The following BBS9 variants were observed in gnomAD, a reference collection of about 807,000 sequenced individuals.
The protein encoded by BBS9 is protein PTHB1.
In BBS9, 89 loss-of-function variants were observed where a neutral mutation model predicts 117.7. The observed-to-expected ratio is 0.76, with a 90% confidence interval of 0.64 to 0.90. The LOEUF is 0.90. Among genes scored for constraint, BBS9 ranks in the 40% least tolerant of loss-of-function variants. The pLI, the probability that BBS9 is intolerant of heterozygous loss-of-function variation, is 0.00. For missense variants in BBS9, 982 were observed against 1,042.2 expected (o/e 0.94, Z 0.80); for synonymous variants, 379 against 370.9 (o/e 1.02, Z -0.25).
chr7:33,599,628 A>G (rs1451742660), intron 21 of BBS9, among the ~76,000 whole-genome samples: 1 of 152,160 alleles, frequency 6.6e-6, no homozygotes, highest in African/African-American at 2.4e-5. Flanking sequence ...ACATCCATTG[A>G]TGTAGTCTCC....
chr7:33,225,433 A>G (rs1000508446), intron 5 of BBS9, among the ~76,000 whole-genome samples: 1 of 152,102 alleles, frequency 6.6e-6, no homozygotes, highest in African/African-American at 2.4e-5. Context: ...TCCTGGCCTC[A>G]AGCAGTCCTT....
At chr7:33,304,164 G>C (rs1488739066) in intron 9 of BBS9, among the ~76,000 whole-genome samples, 1 of 122,136 alleles carries the variant, frequency 8.2e-6, no homozygotes, top group Non-Finnish European at 1.7e-5. Flanking sequence ...CCGCCACCCC[G>C]TCTAGGAAGT....
intron 6 of BBS9, among the ~76,000 whole-genome samples, chr7:33,263,509 T>A (rs1798306495): frequency 6.6e-6 from 1 of 152,160 alleles, no homozygotes; most frequent in African/African-American, 2.4e-5. Flanking sequence ...ATTAATCATT[T>A]CTAGATTGAA....
intron 20 of BBS9, among the ~76,000 whole-genome samples, chr7:33,516,212 C>T (rs919554609): frequency 7.9e-5 from 12 of 152,070 alleles, no homozygotes; most frequent in African/African-American, 1.4e-4. Flanking sequence ...GAACATAGGC[C>T]GGGCGCGGTG....
rs528548105 is a variant in BBS9 at position 33,181,865 on chromosome 7, C to T, written c.442+4274C>T. Among the ~76,000 whole-genome samples the T allele has an allele frequency of 4.1e-3, 618 of 152,250 alleles. 5 individuals carry two copies. The highest frequency in any genetic ancestry group is 6.5e-3 in the Non-Finnish European group (443 of 68,020). On this transcript the variant is annotated intron_variant, in intron 5 of 22. Coordinates refer to ENST00000242067, the MANE Select transcript of BBS9 (RefSeq NM_198428.3). The stretch of plus-strand genomic sequence containing the variant: ...TTGGGAGGCCGAGGCAGGCGGATCA[C>T]GAGGTCAGGAGATCGAGACCATCCT...
intron 21 of BBS9, among the ~76,000 whole-genome samples, chr7:33,545,448 G>A (rs1369822266): frequency 6.6e-6 from 1 of 152,092 alleles, no homozygotes; most frequent in Non-Finnish European, 1.5e-5. Flanking sequence ...AGTAAAGTCG[G>A]AAACTTCTCC....
chr7:33,273,835 G>T lies in BBS9; in HGVS notation c.895G>T (p.Gly299Ter), dbSNP rs1275635091. The T allele has an allele frequency of 6.2e-7, 1 of 1,609,280 alleles. No homozygotes were observed. The highest frequency in any genetic ancestry group is 8.5e-7 in the Non-Finnish European group (1 of 1,176,188). ...GTATTTTCAACTTACAGTTTCTGAA[G>T]GAACAATAAATACTTTGATTGGAAA... ...CFLPYCSVSE[G>*]TINTLIGNHN... The change falls in exon 9 of 23, where the codon GGA (glycine) becomes TGA (stop). Residue 299 changes from glycine (G) to a stop codon, truncating the protein, a stop_gained. Transcript: ENST00000242067. LOFTEE classifies it high-confidence loss of function.
intron 21 of BBS9, among the ~76,000 whole-genome samples, chr7:33,598,733 A>G (rs923047887): frequency 7.2e-5 from 11 of 152,222 alleles, no homozygotes; most frequent in Non-Finnish European, 1.2e-4. Context: ...GGCAAAAACT[A>G]TGCTTTCAAA....
At chr7:33,308,424 A>G (rs1808486669) in intron 9 of BBS9, among the ~76,000 whole-genome samples, 1 of 152,232 alleles carries the variant, frequency 6.6e-6, no homozygotes, top group Admixed American at 6.5e-5. Context: ...GAAGTAGATG[A>G]GAAATTAGAA....
At chr7:33,550,854 G>A (rs968771788) in intron 21 of BBS9, among the ~76,000 whole-genome samples, 9 of 152,118 alleles carry the variant, frequency 5.9e-5, no homozygotes, top group African/African-American at 2.2e-4. Context: ...GTATTTCTGT[G>A]TACAGGATGT....
intron 7 of BBS9, 146 bp from the exon 8 acceptor site, chr7:33,272,866 A>T: frequency 1.2e-6 from 1 of 844,728 alleles, no homozygotes; most frequent in Non-Finnish European, 1.9e-6. Context: ...CATAGTGATA[A>T]AAAAAAGAAT....
intron 9 of BBS9, among the ~76,000 whole-genome samples, chr7:33,284,727 T>G (rs1188531962): frequency 1.3e-5 from 2 of 152,228 alleles, no homozygotes; most frequent in Non-Finnish European, 2.9e-5. Context: ...AATTTTCATT[T>G]CTTTGTCATT....
intron 6 of BBS9, among the ~76,000 whole-genome samples, chr7:33,263,296 G>C (rs1437452586): frequency 6.6e-6 from 1 of 152,068 alleles, no homozygotes; most frequent in African/African-American, 2.4e-5. Flanking sequence ...TTCAGTGCTT[G>C]TTTAGATATG....
At chr7:33,237,121 C>A (rs1340248012) in intron 5 of BBS9, among the ~76,000 whole-genome samples, 2 of 152,092 alleles carry the variant, frequency 1.3e-5, no homozygotes, top group African/African-American at 4.8e-5. Context: ...TTTCATTTCC[C>A]TTCTGCAGAT....
chr7:33,565,794 T>TATATAC (rs1856767242), intron 21 of BBS9, among the ~76,000 whole-genome samples: 1 of 38,774 alleles, frequency 2.6e-5, no homozygotes, highest in African/African-American at 3.0e-4. Context: ...TATATATATA[T>TATATAC]ATATATATAT....
chr7:33,385,427 A>G (rs1825835227), intron 18 of BBS9, among the ~76,000 whole-genome samples: 1 of 152,220 alleles, frequency 6.6e-6, no homozygotes, highest in African/African-American at 2.4e-5. Context: ...CTTGGAGTGT[A>G]AATTTCATGA....
intron 9 of BBS9, among the ~76,000 whole-genome samples, chr7:33,330,815 C>CACTA (rs1813875362): frequency 6.6e-6 from 1 of 152,086 alleles, no homozygotes; most frequent in Admixed American, 6.6e-5. Flanking sequence ...TTAGCTCAGT[C>CACTA]GATGCACTTC....
At chr7:33,536,765 C>T (rs1563323553) in intron 21 of BBS9, among the ~76,000 whole-genome samples, 3 of 124,400 alleles carry the variant, frequency 2.4e-5, no homozygotes, top group African/African-American at 7.0e-5. Context: ...TTCACACAGT[C>T]TCTTTTCTTT....
intron 19 of BBS9, among the ~76,000 whole-genome samples, chr7:33,468,931 A>G (rs1008736740): frequency 6.6e-6 from 1 of 152,022 alleles, no homozygotes; most frequent in Admixed American, 6.6e-5. Context: ...GGTTGGTTCC[A>G]TATTTTGGCT....
Sources: allele counts gnomAD v4.1 joint callset (sites outside exome capture counted in the v4.1 genomes callset), GRCh38; gene constraint gnomAD v4.1.1; transcripts MANE v1.5; gene names NCBI Gene and HGNC (gene_info 2026-07-23, HGNC 2026-07-21).